The following ASTN2 variants were observed in gnomAD, a reference collection of about 807,000 sequenced individuals.
ASTN2 encodes the protein astrotactin 2, also known as astrotactin-2.
ASTN2 carries 54 observed loss-of-function variants against 139.8 expected under a neutral mutation model. That is an observed-to-expected ratio of 0.39 (90% confidence interval 0.31 to 0.48). The LOEUF (loss-of-function observed/expected upper bound fraction) is 0.48. Among genes scored for constraint, ASTN2 ranks in the 20% least tolerant of loss-of-function variants. ASTN2 has a pLI of 0.95. For missense variants in ASTN2, 1,565 were observed against 1,725.1 expected (o/e 0.91, Z 1.64); for synonymous variants, 756 against 719.5 (o/e 1.05, Z -0.81).
intron 3 of ASTN2, among the ~76,000 whole-genome samples, chr9:117,159,532 T>A (rs1830502094): frequency 6.6e-6 from 1 of 152,032 alleles, no homozygotes; most frequent in Non-Finnish European, 1.5e-5. Flanking sequence ...CCAGGAAGTG[T>A]GCTAAAGATT....
intron 1 of ASTN2, among the ~76,000 whole-genome samples, chr9:117,354,641 A>G (rs1829485955): frequency 6.6e-6 from 1 of 152,086 alleles, no homozygotes. Context: ...ACTCCTTCCC[A>G]CCAGACCTTA....
At chr9:116,633,808 A>G (rs1358389161) in intron 17 of ASTN2, among the ~76,000 whole-genome samples, 1 of 152,182 alleles carries the variant, frequency 6.6e-6, no homozygotes, top group Non-Finnish European at 1.5e-5. Context: ...AGGAGGGGAC[A>G]TGCTTAGTCT....
chr9:116,620,671 T>C (rs940808956), intron 17 of ASTN2, among the ~76,000 whole-genome samples: 21 of 152,300 alleles, frequency 1.4e-4, no homozygotes, highest in South Asian at 2.1e-4. Context: ...ATAGTAACTA[T>C]ATCCATTGAT....
In ASTN2 at chr9:117,411,549, G is replaced by A. The variant is rs139596060; in HGVS notation, c.442+2948C>T. ...GAGGGAGCCAGGGTTAAATATGAAG[G>A]TGACCTTGGTGCACGCAGATGGGAG... On this transcript the variant is annotated intron_variant, in intron 1 of 22. Coordinates refer to ENST00000313400, the MANE Select transcript of ASTN2 (RefSeq NM_001365068.1). 2.7e-3 allele frequency among the ~76,000 whole-genome samples: 415 copies of A among 151,922 alleles called. 2 individuals carry two copies. The highest frequency in any genetic ancestry group is 9.3e-3 in the African/African-American group (386 of 41,396).
chr9:116,513,939 G>A (rs1272662500), intron 19 of ASTN2, among the ~76,000 whole-genome samples: 1 of 151,724 alleles, frequency 6.6e-6, no homozygotes, highest in Non-Finnish European at 1.5e-5. Flanking sequence ...TTTGCGATGG[G>A]TTCGAACTTC....
intron 19 of ASTN2, chr9:116,612,155 T>C (rs1196412896): frequency 6.6e-6 from 1 of 152,176 alleles, no homozygotes; most frequent in South Asian, 2.1e-4. Context: ...AAATAGAAGA[T>C]ACCTTCTTCG....
At chr9:117,347,708 G>A (rs1043242605) in intron 1 of ASTN2, among the ~76,000 whole-genome samples, 2 of 152,276 alleles carry the variant, frequency 1.3e-5, no homozygotes, top group Non-Finnish European at 2.9e-5. Context: ...AGAATGTGGT[G>A]GCTACAACCA....
intron 20 of ASTN2, among the ~76,000 whole-genome samples, chr9:116,471,602 G>T (rs563427342): frequency 7.2e-5 from 11 of 152,088 alleles, no homozygotes; most frequent in Non-Finnish European, 1.3e-4. Flanking sequence ...GGGCAGTAAA[G>T]GGGGTGGAGG....
chr9:116,622,164 C>T (rs1035074349), intron 17 of ASTN2, among the ~76,000 whole-genome samples: 1 of 152,180 alleles, frequency 6.6e-6, no homozygotes, highest in Non-Finnish European at 1.5e-5. Flanking sequence ...TCAAGTAGAA[C>T]ATGTTTGTAT....
intron 13 of ASTN2, among the ~76,000 whole-genome samples, chr9:116,763,023 A>C (rs1829713560): frequency 6.6e-6 from 1 of 152,176 alleles, no homozygotes; most frequent in East Asian, 1.9e-4. Flanking sequence ...CAATTCCATG[A>C]CTACTTTATT....
chr9:116,863,728 T>C lies in ASTN2; in HGVS notation c.1895A>G (p.Glu632Gly). The change falls in exon 11 of 23, where the codon GAA becomes GGA. Residue 632 changes from glutamate to glycine, a missense_variant. Around this residue, in one of 4 missense-constraint regions of ASTN2, gnomAD observed 503 missense variants for 591.7 expected, o/e 0.85. Transcript: ENST00000313400. ...TTCAAAGTATGTGGACAGCATCGCT[T>C]CTTCCCTTGGAGAGAAAGGGGATGG... is the stretch of plus-strand genomic sequence containing the variant. Reference protein sequence around the residue: ...VTEDPADVREEAMLSTYFETI... With the variant: ...VTEDPADVREGAMLSTYFETI... 1 of 1,612,022 alleles carries C rather than the reference T, an allele frequency of 6.2e-7. No individual in the cohort carries two copies. Among genetic ancestry groups the C allele is most frequent in the Non-Finnish European group, 8.5e-7 (1 of 1,178,660 alleles).
intron 1 of ASTN2, among the ~76,000 whole-genome samples, chr9:117,318,898 A>T (rs1356823658): frequency 6.6e-6 from 1 of 152,174 alleles, no homozygotes; most frequent in Non-Finnish European, 1.5e-5. Context: ...AAGGACCAAG[A>T]GGTGCTGGTT....
chr9:117,399,445 C>T (rs796483569), intron 1 of ASTN2, among the ~76,000 whole-genome samples: 44 of 152,252 alleles, frequency 2.9e-4, no homozygotes, highest in African/African-American at 1.0e-3. Context: ...ATCTTCGTCT[C>T]TGTGCTTGGG....
chr9:116,882,058 C>T (rs934665881), intron 10 of ASTN2, among the ~76,000 whole-genome samples: 1 of 152,012 alleles, frequency 6.6e-6, no homozygotes, highest in Non-Finnish European at 1.5e-5. Flanking sequence ...AAGAATTATC[C>T]ATCTATCCAT....
chr9:116,905,029 G>A (rs1242594852), intron 10 of ASTN2, among the ~76,000 whole-genome samples: 1 of 152,056 alleles, frequency 6.6e-6, no homozygotes, highest in African/African-American at 2.4e-5. Flanking sequence ...AGCAGGCCTG[G>A]CCTTCTGAAA....
chr9:116,910,719 G>A (rs1834287633), intron 10 of ASTN2, among the ~76,000 whole-genome samples: 2 of 152,176 alleles, frequency 1.3e-5, no homozygotes, highest in Admixed American at 6.5e-5. Flanking sequence ...GGGTTTGGAT[G>A]CCAGTAGTTA....
intron 1 of ASTN2, among the ~76,000 whole-genome samples, chr9:117,360,630 T>A (rs1296582088): frequency 6.6e-6 from 1 of 152,090 alleles, no homozygotes; most frequent in East Asian, 1.9e-4. Context: ...CCAGAATTGA[T>A]GAGGTTTCTT....
At chr9:117,320,883 G>A (rs1388796189) in intron 1 of ASTN2, among the ~76,000 whole-genome samples, 1 of 152,184 alleles carries the variant, frequency 6.6e-6, no homozygotes, top group Non-Finnish European at 1.5e-5. Flanking sequence ...CAAATGTGAT[G>A]GCACAGATCA....
intron 6 of ASTN2, among the ~76,000 whole-genome samples, chr9:117,028,352 A>G (rs994872656): frequency 7.2e-5 from 11 of 152,218 alleles, no homozygotes; most frequent in African/African-American, 2.7e-4. Flanking sequence ...TTTGGCTTAC[A>G]TAATCCAGAG....
Sources: allele counts gnomAD v4.1 joint callset (sites outside exome capture counted in the v4.1 genomes callset), GRCh38; gene constraint gnomAD v4.1.1; regional missense constraint gnomAD v4.1.1; transcripts MANE v1.5; gene names NCBI Gene and HGNC (gene_info 2026-07-23, HGNC 2026-07-21).